Variants in COPB2 observed in about 807,000 individuals in gnomAD.
The protein encoded by COPB2 is coatomer subunit beta'.
In COPB2, 16 loss-of-function variants were observed where a neutral mutation model predicts 120.8. The ratio of observed to expected loss-of-function variants is 0.13; its 90% confidence interval spans 0.09 to 0.20. The LOEUF is 0.20. COPB2 is among the 10% of genes least tolerant of loss of function. The pLI, the probability that COPB2 is intolerant of heterozygous loss-of-function variation, is 1.00. For missense variants in COPB2, 794 were observed against 1,076.5 expected (o/e 0.74, Z 3.67); for synonymous variants, 332 against 366.3 (o/e 0.91, Z 1.07).
chr3:139,365,146 G>C (rs1941492408), intron 15 of COPB2, among the ~76,000 whole-genome samples: 1 of 152,014 alleles, frequency 6.6e-6, no homozygotes, highest in African/African-American at 2.4e-5. Flanking sequence ...CAGAAATGTA[G>C]GACATAAGTT....
Position 139,377,240 on chromosome 3 carries a change from A to G in COPB2, c.504+801T>C, listed in dbSNP as rs1227294718. On this transcript the variant is annotated intron_variant, in intron 5 of 21. Transcript: ENST00000333188. ...AAGATTTCCAAAAACGTGTAATAATAATTCAATCTGAGAAAGGCTGAAACA... is the reference window on the plus strand; with the variant it reads ...AAGATTTCCAAAAACGTGTAATAATGATTCAATCTGAGAAAGGCTGAAACA... 3.1e-5 allele frequency among the ~76,000 whole-genome samples: 4 copies of G among 127,458 alleles called. No homozygotes were observed. The East Asian group carries it at 7.7e-4, about 25-fold the overall frequency. The allele number at this position is 127,458 out of a possible 152,430, so 83.6% of individuals were successfully genotyped here.
chr3:139,384,976 C>T (rs911917668), intron 1 of COPB2: 5 of 152,220 alleles, frequency 3.3e-5, no homozygotes, highest in African/African-American at 1.2e-4. Context: ...ACCTCTAGTT[C>T]ATAGAATTAT....
chr3:139,384,020 T>C (rs77423224), intron 1 of COPB2, among the ~76,000 whole-genome samples: 9,267 of 152,294 alleles, frequency 0.061, 381 homozygotes, highest in Middle Eastern at 0.13. Context: ...TACAAAATAA[T>C]GCCTGGTCTC....
rs760587896 is a variant in COPB2 at position 139,359,140 on chromosome 3, T to C, written c.2342A>G (p.Asn781Ser). ...AGCAAGGGATTCTGCTGCTTTCTGATTGACTTTTGAGAGATTCTCTCTCCA... is the reference window on the plus strand; with the variant it reads ...AGCAAGGGATTCTGCTGCTTTCTGACTGACTTTTGAGAGATTCTCTCTCCA... ...KLWRENLSKV[N>S]QKAAESLADP... Residue 781 changes from asparagine (N) to serine (S), a missense_variant, in exon 19 of 22, where the codon AAT (asparagine) becomes AGT (serine). Coordinates refer to ENST00000333188, the MANE Select transcript of COPB2 (RefSeq NM_004766.3). 1.9e-6 allele frequency: 3 copies of C among 1,613,902 alleles called. No individual in the cohort carries two copies. Among genetic ancestry groups the C allele is most frequent in the East Asian group, 2.2e-5 (1 of 44,886 alleles).
intron 20 of COPB2, 155 bp downstream of exon 20, chr3:139,358,589 G>A (rs945599777): frequency 3.2e-6 from 2 of 626,830 alleles, no homozygotes; most frequent in Middle Eastern, 3.3e-4. Flanking sequence ...GCTGAGGCAG[G>A]AGAATGGCGT....
At chr3:139,387,305 AG>A (rs1322459017) in intron 1 of COPB2, among the ~76,000 whole-genome samples, 1 of 152,204 alleles carries the variant, frequency 6.6e-6, no homozygotes, top group Non-Finnish European at 1.5e-5. Context: ...CGAACAGGCA[AG>A]GGTTCTTGTG....
At chr3:139,379,720 C>G (rs1941773322) in intron 2 of COPB2, 1 of 382,774 alleles carries the variant, frequency 2.6e-6, no homozygotes, top group Non-Finnish European at 4.7e-6. Context: ...CCTCTGTGCT[C>G]CAGCCCTTCC....
intron 1 of COPB2, among the ~76,000 whole-genome samples, chr3:139,389,314 C>G (rs1307883086): frequency 1.3e-5 from 2 of 152,228 alleles, no homozygotes; most frequent in East Asian, 3.9e-4. Flanking sequence ...GCCACAAGCG[C>G]CAGGGGAGAC....
At position 139,378,085 on chromosome 3, in the gene COPB2, C is replaced by T; in HGVS notation, c.460G>A (p.Asp154Asn). The T allele has an allele frequency of 6.3e-7, 1 of 1,586,902 alleles. No individual in the cohort carries two copies. Among genetic ancestry groups the T allele is most frequent in the Non-Finnish European group, 8.6e-7 (1 of 1,160,310 alleles). ...GAGGCACTGGCAAACTGATTGTTAT[C>T]TTTGGGGTTGATCACAATCTGCATA... ...YVMQIVINPK[D>N]NNQFASASLD... The change falls in exon 5 of 22, where the codon GAT becomes AAT. Residue 154 changes from aspartate (D) to asparagine (N), a missense_variant. This residue lies in a region of COPB2 where 610 missense variants were observed against 866.7 expected (regional missense o/e 0.70). Transcript: ENST00000333188.
intron 20 of COPB2, 150 bp downstream of exon 20, chr3:139,358,594 T>G: frequency 1.6e-6 from 1 of 629,008 alleles, no homozygotes; most frequent in Non-Finnish European, 2.8e-6. Context: ...GGCAGGAGAA[T>G]GGCGTGAACC....
chr3:139,373,919 G>T, intron 7 of COPB2, 111 bp from the exon 8 acceptor site: 1 of 1,336,802 alleles, frequency 7.5e-7, no homozygotes, highest in Admixed American at 2.6e-5. Flanking sequence ...AACACTTCCT[G>T]GCAGCTTAAT....
Position 139,369,824 on chromosome 3 carries a change from T to A in COPB2, c.1206-280A>T, listed in dbSNP as rs150327490. ...CCAAATGTCCACAATAGGTGAATGATTAAACAAATTATCGTATATTCATAT... is the reference window on the plus strand; with the variant it reads ...CCAAATGTCCACAATAGGTGAATGAATAAACAAATTATCGTATATTCATAT... On this transcript the variant is annotated intron_variant, in intron 10 of 21. Transcript: ENST00000333188. Among the ~76,000 whole-genome samples, 359 of 152,314 alleles carry A rather than the reference T, an allele frequency of 2.4e-3. 2 individuals are homozygous for A. Among genetic ancestry groups the A allele is most frequent in the African/African-American group, 8.1e-3 (337 of 41,582 alleles).
rs147979769 is a variant in COPB2 at position 139,379,027 on chromosome 3, C to T, written c.355+20G>A. 4.5e-6 allele frequency: 7 copies of T among 1,558,122 alleles called. No individual in the cohort carries two copies. Among genetic ancestry groups the T allele is most frequent in the Non-Finnish European group, 6.0e-6 (7 of 1,157,038 alleles). ...AATTACCCAAAGAGACGCACATGAC[C>T]AAAAAAGGTCATCTCTTACCACTGC... On this transcript the variant is annotated intron_variant, in intron 4 of 21. Coordinates refer to ENST00000333188, the MANE Select transcript of COPB2 (RefSeq NM_004766.3).
At chr3:139,369,841 TA>T (rs1310007715) in intron 10 of COPB2, among the ~76,000 whole-genome samples, 2 of 152,206 alleles carry the variant, frequency 1.3e-5, no homozygotes, top group Non-Finnish European at 2.9e-5. Context: ...AATTATCGTA[TA>T]TTCATATAAT....
Position 139,368,065 on chromosome 3 carries a change from T to C in COPB2, c.1545+80A>G. 4 of 1,447,766 alleles carry C rather than the reference T, an allele frequency of 2.8e-6. No individual in the cohort carries two copies. The East Asian group carries it at 9.6e-5, about 35-fold the overall frequency. The allele number at this position is 1,447,766 out of a possible 1,614,324, so 89.7% of individuals were successfully genotyped here. ...CTACACCTAATTTATAACGAAATGT[T>C]AAAATCAGTAAAGTCTGTTGTAAGA... On this transcript the variant is annotated intron_variant, in intron 13 of 21. Transcript: ENST00000333188.
chr3:139,389,165 A>G (rs999411810), intron 1 of COPB2, among the ~76,000 whole-genome samples: 2 of 152,228 alleles, frequency 1.3e-5, no homozygotes, highest in Admixed American at 6.5e-5. Flanking sequence ...AATAAGCCCA[A>G]CAGGAGTGTA....
In COPB2 at chr3:139,380,003, C is replaced by CTT. The variant is rs869062825; in HGVS notation, c.142-539_142-538dup. On this transcript the variant is annotated intron_variant, in intron 2 of 21. Coordinates refer to ENST00000333188, the MANE Select transcript of COPB2 (RefSeq NM_004766.3). Reference sequence around the variant, plus strand: ...AGCTCTTAGTTTCTTTTTTTCTTTTCTTTTTTTTTTTTTTTTTTTTTTTGA... The same window carrying CTT: ...AGCTCTTAGTTTCTTTTTTTCTTTTCTTTTTTTTTTTTTTTTTTTTTTTTTGA... The CTT allele has an allele frequency of 8.5e-3, 861 of 101,266 alleles. 20 individuals are homozygous for CTT. Among genetic ancestry groups the CTT allele is most frequent in the African/African-American group, 0.024 (574 of 24,096 alleles). 6.3% of individuals were successfully genotyped at this position (101,266 alleles called of 1,614,324 possible). A position where few individuals can be genotyped will look rare whatever the true frequency, so the allele number is the denominator to read the frequency against.
intron 4 of COPB2, 82 bp downstream of exon 4, chr3:139,378,965 G>A (rs1364786481): frequency 7.4e-7 from 1 of 1,358,696 alleles, no homozygotes; most frequent in Non-Finnish European, 9.9e-7. Context: ...ATTTGTAACA[G>A]CAGTTAAAGC....
intron 2 of COPB2, 81 bp from the exon 3 acceptor site, chr3:139,379,547 A>G: frequency 9.2e-7 from 1 of 1,091,822 alleles, no homozygotes. Flanking sequence ...TCAAACATCC[A>G]ATTTTTAAGA....
Sources: allele counts gnomAD v4.1 joint callset (sites outside exome capture counted in the v4.1 genomes callset), GRCh38; gene constraint gnomAD v4.1.1; regional missense constraint gnomAD v4.1.1; transcripts MANE v1.5; gene names NCBI Gene and HGNC (gene_info 2026-07-23, HGNC 2026-07-21).